Variants in ASNS observed in about 807,000 individuals in gnomAD.
ASNS encodes asparagine synthetase (glutamine-hydrolyzing).
In ASNS, 37 loss-of-function variants were observed where a neutral mutation model predicts 62.6. That is an observed-to-expected ratio of 0.59 (90% confidence interval 0.45 to 0.78). The LOEUF is 0.78. Among genes scored for constraint, ASNS ranks in the 30% least tolerant of loss-of-function variants. The pLI, the probability that ASNS is intolerant of heterozygous loss-of-function variation, is 0.00. For synonymous variants in ASNS, 207 were observed against 237.9 expected (o/e 0.87, Z 1.19); for missense variants, 520 against 682.4 (o/e 0.76, Z 2.65).
At chr7:97,883,987 C>CAAAAAAAAAAAAAA in the ASNS span, among the ~76,000 whole-genome samples, 1 of 104,390 alleles carries the variant, frequency 9.6e-6, no homozygotes, top group African/African-American at 3.8e-5. Context: ...GACTCCATCT[C>CAAAAAAAAAAAAAA]AAAAAAAAAA....
At chr7:97,905,106 T>A in the ASNS span, among the ~76,000 whole-genome samples, 2 of 152,190 alleles carry the variant, frequency 1.3e-5, no homozygotes, top group African/African-American at 4.8e-5. Flanking sequence ...CCCTTTGATC[T>A]TCATAATCAT....
chr7:97,915,425 A>C, the ASNS span, among the ~76,000 whole-genome samples: 115 of 152,244 alleles, frequency 7.6e-4, no homozygotes, highest in African/African-American at 2.6e-3. Context: ...CATTAATCAA[A>C]TTCTAGGTAA....
chr7:97,923,496 C>T, the ASNS span, among the ~76,000 whole-genome samples: 181 of 152,214 alleles, frequency 1.2e-3, no homozygotes, highest in African/African-American at 4.2e-3. Context: ...GAGGAGAATC[C>T]TTTGAACATG....
rs2115658571 is a variant in ASNS at position 97,859,219 on chromosome 7, A to G, written c.667T>C (p.Phe223Leu). 6.2e-7 allele frequency: 1 copy of G among 1,601,220 alleles called. No homozygotes were observed. The highest frequency in any genetic ancestry group is 1.3e-5 in the African/African-American group (1 of 74,650). Residue 223 changes from phenylalanine (F) to leucine (L), a missense_variant, in exon 5 of 13, where the codon TTT becomes CTT. Coordinates refer to ENST00000394308, the MANE Select transcript of ASNS (RefSeq NM_001673.5). ...GTGGGTGGGTGTCTGCTACCTGGAA[A>G]GAGTTTCTCCACATTGTCATAGAGG... ...HALYDNVEKLFPGFEIETVKN... is the reference protein window; with the variant it reads ...HALYDNVEKLLPGFEIETVKN...
chr7:97,865,278 C>G (rs989018583), intron 3 of ASNS, among the ~76,000 whole-genome samples: 4 of 152,200 alleles, frequency 2.6e-5, no homozygotes, highest in Admixed American at 2.0e-4. Flanking sequence ...CAAACAATGG[C>G]AGGCTTTCAG....
the ASNS span, among the ~76,000 whole-genome samples, chr7:97,906,116 C>G: frequency 1.3e-5 from 2 of 152,178 alleles, no homozygotes; most frequent in Non-Finnish European, 2.9e-5. Context: ...CCTGAGACAT[C>G]TCATCACCTA....
At chr7:97,909,162 G>A in the ASNS span, among the ~76,000 whole-genome samples, 1 of 152,236 alleles carries the variant, frequency 6.6e-6, no homozygotes, top group South Asian at 2.1e-4. Context: ...TCTCATGCGT[G>A]GTTGAGTTAG....
rs1791582512 is a variant in ASNS, at chr7:97,858,868, C to A, written c.761G>T (p.Gly254Val). The change falls in exon 6 of 13, where the codon GGC becomes GTC. Residue 254 changes from glycine (G) to valine (V), a missense_variant. Gly to Val is a moderately radical substitution (Grantham distance 109, BLOSUM62 -3). Transcript: ENST00000394308. ...KKRLMTDRRI[G>V]CLLSGGLDSS... ...ATTGACTTCACCTGATAAAAGGCAG[C>A]CAATCCTTCTGTCTGTCATCAAACG... The A allele has an allele frequency of 6.2e-7, 1 of 1,611,530 alleles. No homozygotes were observed. The highest frequency in any genetic ancestry group is 8.5e-7 in the Non-Finnish European group (1 of 1,179,382).
At chr7:97,864,074 G>A (rs891466911) in intron 4 of ASNS, 185 bp downstream of exon 4, 8 of 553,502 alleles carry the variant, frequency 1.4e-5, no homozygotes, top group Admixed American at 6.8e-5. Context: ...ATCCTTCAAG[G>A]ATTACAGAAT....
intron 4 of ASNS, 65 bp downstream of exon 4, chr7:97,864,194 T>C: frequency 7.0e-7 from 1 of 1,422,712 alleles, no homozygotes; most frequent in Non-Finnish European, 9.6e-7. Context: ...GATTTTCAAA[T>C]ATAATTTAAA....
Position 97,855,405 on chromosome 7 carries a change from A to G in ASNS, c.1085T>C (p.Phe362Ser). 1 of 1,612,834 alleles carries G rather than the reference A, an allele frequency of 6.2e-7. No homozygotes were observed. Residue 362 changes from phenylalanine to serine, a missense_variant, in exon 9 of 13, where the codon TTC becomes TCC. Transcript: ENST00000394308. ...IRKNTDSVVI[F>S]SGEGSDELTQ... is the part of the protein sequence containing the mutation. Reference sequence around the variant, plus strand: ...AAGTTCATCTGATCCTTCTCCAGAGAAGATCACCACGCTATCTGTGTTCTT... The same window carrying G: ...AAGTTCATCTGATCCTTCTCCAGAGGAGATCACCACGCTATCTGTGTTCTT...
In ASNS at chr7:97,864,491, T is replaced by C; in HGVS notation, c.255A>G (p.Gln85=). ...NGEIYNHKKM[Q]QHFEFEYQTK... ...TCTGGTATTCAAATTCAAAATGCTG[T>C]TGCATCTTAGGAAGCGAAAGCAAAA... The change falls in exon 4 of 13, where the codon CAA becomes CAG. Residue 85 remains glutamine (Q), a synonymous_variant. Transcript: ENST00000394308. 1 of 1,613,140 alleles carries C rather than the reference T, an allele frequency of 6.2e-7. No individual in the cohort carries two copies. Among genetic ancestry groups the C allele is most frequent in the African/African-American group, 1.3e-5 (1 of 75,028 alleles).
Position 97,858,034 on chromosome 7 carries a change from A to G in ASNS, c.903+244T>C, listed in dbSNP as rs2237289. Among the ~76,000 whole-genome samples the G allele has an allele frequency of 0.38, 57,398 of 152,010 alleles. 11,075 individuals are homozygous for G. The highest frequency in any genetic ancestry group is 0.56 in the East Asian group (2,912 of 5,178). On this transcript the variant is annotated intron_variant, in intron 7 of 12. Transcript: ENST00000394308. The stretch of plus-strand genomic sequence containing the variant: ...CAGACACCTTTACTTTCAAAAGAGC[A>G]TACTTATCATCATAGGGTCTTTGTG...
chr7:97,852,583 C>G, intron 12 of ASNS, 115 bp from the exon 13 acceptor site: 1 of 987,534 alleles, frequency 1.0e-6, no homozygotes, highest in South Asian at 1.5e-5. Flanking sequence ...TGTATGAGAC[C>G]CTTTGAATCA....
the ASNS span, among the ~76,000 whole-genome samples, chr7:97,911,639 C>A: frequency 6.6e-6 from 1 of 151,966 alleles, no homozygotes; most frequent in Admixed American, 6.6e-5. Context: ...CTGTCTCAAA[C>A]AAACAAACAA....
At chr7:97,856,430 A>G (rs1044620372) in intron 8 of ASNS, among the ~76,000 whole-genome samples, 3 of 152,216 alleles carry the variant, frequency 2.0e-5, no homozygotes, top group African/African-American at 7.2e-5. Flanking sequence ...AGGGCAGAAA[A>G]TATGTATCTG....
the ASNS span, among the ~76,000 whole-genome samples, chr7:97,884,498 A>C: frequency 1.3e-5 from 2 of 152,100 alleles, no homozygotes; most frequent in Admixed American, 1.3e-4. Flanking sequence ...GCCGTGAGCC[A>C]AGGTCGCACC....
At chr7:97,921,142 G>A in the ASNS span, among the ~76,000 whole-genome samples, 8 of 152,212 alleles carry the variant, frequency 5.3e-5, no homozygotes, top group Non-Finnish European at 1.0e-4. Context: ...TTGTGCCCCT[G>A]ATGCCAAAGA....
chr7:97,927,780 C>CA, the ASNS span, among the ~76,000 whole-genome samples: 1 of 95,186 alleles, frequency 1.1e-5, no homozygotes, highest in Non-Finnish European at 2.3e-5. Flanking sequence ...AAAATTCACT[C>CA]AGAGTTCAGT....
Sources: allele counts gnomAD v4.1 joint callset (sites outside exome capture counted in the v4.1 genomes callset), GRCh38; gene constraint gnomAD v4.1.1; transcripts MANE v1.5; gene names NCBI Gene and HGNC (gene_info 2026-07-23, HGNC 2026-07-21).